APBB2: variants seen among roughly 807,000 people sequenced by gnomAD.
APBB2 encodes the protein amyloid beta precursor protein binding family B member 2.
In APBB2, 38 loss-of-function variants were observed where a neutral mutation model predicts 82.5. That is an observed-to-expected ratio of 0.46 (90% CI 0.36 to 0.60). The LOEUF is 0.60. APBB2 is among the 20% of genes least tolerant of loss of function. The pLI, the probability that APBB2 is intolerant of heterozygous loss-of-function variation, is 0.00. For missense variants in APBB2, 772 were observed against 972.3 expected (o/e 0.79, Z 2.74); for synonymous variants, 341 against 368.2 (o/e 0.93, Z 0.85).
chr4:40,955,816 G>A (rs1188856251), intron 6 of APBB2, among the ~76,000 whole-genome samples: 2 of 151,148 alleles, frequency 1.3e-5, no homozygotes, highest in Non-Finnish European at 2.9e-5. Flanking sequence ...TGCTCTCGTT[G>A]CCCAGGCTGA....
intron 3 of APBB2, among the ~76,000 whole-genome samples, chr4:41,082,026 T>C (rs1203614353): frequency 6.6e-6 from 1 of 152,142 alleles, no homozygotes. Context: ...GAACTTAGTA[T>C]ATTGGAGGAA....
chr4:40,980,124 G>C (rs931448511), intron 6 of APBB2, among the ~76,000 whole-genome samples: 5 of 152,178 alleles, frequency 3.3e-5, no homozygotes, highest in African/African-American at 1.2e-4. Flanking sequence ...CTCGGTTCAA[G>C]CAATTCTCCT....
At position 41,162,087 on chromosome 4, in the gene APBB2, A is replaced by C. The variant is rs79512562; in HGVS notation, c.-416-18945T>G. 8.5e-3 allele frequency among the ~76,000 whole-genome samples: 1,298 copies of C among 152,296 alleles called. 28 individuals carry two copies. The highest frequency in any genetic ancestry group is 0.03 in the African/African-American group (1,243 of 41,556). On this transcript the variant is annotated intron_variant, in intron 1 of 17. Transcript: ENST00000508593. ...TCAGCATATATCTCTTAAAAAGATA[A>C]AATTTTTAAGAGACACTCTAAAGCA...
intron 1 of APBB2, among the ~76,000 whole-genome samples, chr4:41,168,863 A>G (rs949654141): frequency 6.6e-6 from 1 of 152,216 alleles, no homozygotes; most frequent in Non-Finnish European, 1.5e-5. Flanking sequence ...GGTAAGGAAG[A>G]GGACAGAAAG....
At chr4:40,889,988 T>A (rs1005775481) in intron 12 of APBB2, among the ~76,000 whole-genome samples, 5 of 152,164 alleles carry the variant, frequency 3.3e-5, no homozygotes, top group African/African-American at 1.2e-4. Context: ...GGAGGGCCTC[T>A]GAAATGGCTG....
chr4:41,178,055 T>C (rs936394914), intron 1 of APBB2, among the ~76,000 whole-genome samples: 15 of 151,964 alleles, frequency 9.9e-5, no homozygotes, highest in African/African-American at 1.7e-4. Context: ...CGTAAGAGTT[T>C]ACTAACACTT....
chr4:40,959,783 T>C (rs1246527202), intron 6 of APBB2, among the ~76,000 whole-genome samples: 1 of 152,246 alleles, frequency 6.6e-6, no homozygotes, highest in East Asian at 1.9e-4. Context: ...ATTTTATTTC[T>C]GATATAAGAA....
intron 6 of APBB2, among the ~76,000 whole-genome samples, chr4:40,963,106 G>A (rs1341353089): frequency 1.3e-5 from 2 of 152,044 alleles, no homozygotes; most frequent in African/African-American, 4.8e-5. Context: ...TTTTTGTCCT[G>A]GGCTAGCTCC....
At chr4:41,074,635 A>G (rs1011528230) in intron 3 of APBB2, among the ~76,000 whole-genome samples, 3 of 140,132 alleles carry the variant, frequency 2.1e-5, no homozygotes, top group Non-Finnish European at 3.1e-5. Flanking sequence ...TTTGAGATGG[A>G]GTCTTGCTCT....
chr4:41,145,664 C>T (rs561484375), intron 1 of APBB2, among the ~76,000 whole-genome samples: 2 of 152,140 alleles, frequency 1.3e-5, no homozygotes. Flanking sequence ...CCTATCACAC[C>T]GAAAGCTTTC....
intron 7 of APBB2, among the ~76,000 whole-genome samples, chr4:40,938,984 A>C (rs1786113279): frequency 6.6e-6 from 1 of 152,132 alleles, no homozygotes; most frequent in Admixed American, 6.5e-5. Flanking sequence ...TGGTGGCTTT[A>C]TCAGAAGAGG....
intron 7 of APBB2, 77 bp from the exon 8 acceptor site, chr4:40,935,216 A>C: frequency 9.9e-7 from 1 of 1,014,234 alleles, no homozygotes; most frequent in Non-Finnish European, 1.4e-6. Context: ...AAAAAAAAAC[A>C]CAAGACACTG....
At chr4:41,105,291 T>C (rs1746777429) in intron 2 of APBB2, among the ~76,000 whole-genome samples, 1 of 152,228 alleles carries the variant, frequency 6.6e-6, no homozygotes. Flanking sequence ...ATGTTTCAAA[T>C]GTGCTTTTGT....
Position 40,890,474 on chromosome 4 carries a change from C to T in APBB2, c.1419G>A (p.Leu473=), listed in dbSNP as rs764392277. 1.2e-6 allele frequency: 2 copies of T among 1,614,100 alleles called. No homozygotes were observed. The highest frequency in any genetic ancestry group is 1.1e-5 in the South Asian group (1 of 91,078). The change falls in exon 12 of 18, where the codon CTG becomes CTA. Residue 473 remains leucine, a synonymous_variant. Coordinates refer to ENST00000508593, the MANE Select transcript of APBB2 (RefSeq NM_004307.2). ...GGCTGAGCATGTCATTCTCCAGGAT[C>T]AGGTACATGTCTTTCCCCTGGGACA... is the stretch of plus-strand genomic sequence containing the variant. The part of the protein sequence containing the change: ...GIWGEGKDMY[L]ILENDMLSLV...
chr4:41,075,702 T>C (rs1735416092), intron 3 of APBB2, among the ~76,000 whole-genome samples: 1 of 152,242 alleles, frequency 6.6e-6, no homozygotes, highest in Non-Finnish European at 1.5e-5. Flanking sequence ...ATGAAGGTCA[T>C]TATTTTTTGT....
chr4:41,124,375 T>G (rs889416217), intron 2 of APBB2, among the ~76,000 whole-genome samples: 1 of 152,256 alleles, frequency 6.6e-6, no homozygotes, highest in East Asian at 1.9e-4. Flanking sequence ...CCCACCACCA[T>G]GCCCGGCTAA....
intron 1 of APBB2, among the ~76,000 whole-genome samples, chr4:41,192,568 T>C (rs1395901634): frequency 1.3e-5 from 2 of 152,132 alleles, no homozygotes; most frequent in Admixed American, 6.5e-5. Flanking sequence ...ATCTCACTTA[T>C]ATGTGGAATC....
chr4:40,839,656 G>A (rs922597259), intron 12 of APBB2, among the ~76,000 whole-genome samples: 1 of 151,784 alleles, frequency 6.6e-6, no homozygotes, highest in Non-Finnish European at 1.5e-5. Context: ...ATCCATGAGG[G>A]ATTTTTCTTT....
chr4:40,954,675 C>A (rs1176391696), intron 6 of APBB2, among the ~76,000 whole-genome samples: 1 of 152,098 alleles, frequency 6.6e-6, no homozygotes, highest in Non-Finnish European at 1.5e-5. Context: ...ATTCTTTTCT[C>A]TTTTTTGAGA....
Sources: allele counts gnomAD v4.1 joint callset (sites outside exome capture counted in the v4.1 genomes callset), GRCh38; gene constraint gnomAD v4.1.1; transcripts MANE v1.5; gene names NCBI Gene and HGNC (gene_info 2026-07-23, HGNC 2026-07-21).